GRM5: variants seen among roughly 807,000 people sequenced by gnomAD.
The protein encoded by GRM5 is glutamate metabotropic receptor 5.
Under a neutral mutation model 83.1 loss-of-function variants are expected in GRM5, and 19 were observed. The ratio of observed to expected loss-of-function variants is 0.23; its 90% CI spans 0.16 to 0.34. GRM5 has a LOEUF of 0.34. Among genes scored for constraint, GRM5 ranks in the 10% least tolerant of loss-of-function variants. GRM5 has a pLI of 1.00. For missense variants in GRM5, 1,160 were observed against 1,588.3 expected, an observed-to-expected ratio of 0.73 and a Z score of 4.58; for synonymous variants, 675 against 633.6, an observed-to-expected ratio of 1.07 and a Z score of -0.98.
intron 3 of GRM5, among the ~76,000 whole-genome samples, chr11:88,835,300 T>C (rs1944073878): frequency 1.3e-5 from 2 of 152,184 alleles, no homozygotes; most frequent in African/African-American, 4.8e-5. Flanking sequence ...CACTGTAAGC[T>C]AGATATGTTC....
intron 2 of GRM5, among the ~76,000 whole-genome samples, chr11:89,005,128 A>G (rs955139648): frequency 4.6e-5 from 7 of 152,212 alleles, no homozygotes; most frequent in Admixed American, 4.6e-4. Context: ...GATGAAATCT[A>G]TCTTTGGATT....
intron 3 of GRM5, among the ~76,000 whole-genome samples, chr11:88,671,797 G>A (rs985700061): frequency 2.0e-5 from 3 of 152,042 alleles, no homozygotes; most frequent in Admixed American, 1.3e-4. Context: ...AAGCTGGAAC[G>A]TTGGGACCTT....
In GRM5 at chr11:88,508,967, G is replaced by A. The variant is rs1941268753; in HGVS notation, c.3264C>T (p.Gly1088=). Residue 1088 remains glycine, a synonymous_variant, in exon 10 of 10, where the codon GGC becomes GGT. Coordinates refer to ENST00000305447, the MANE Select transcript of GRM5 (RefSeq NM_001143831.3). The surrounding 1 kb of genome is among the most constrained non-coding windows in gnomAD (Gnocchi z 4.2). ...MMLSTAAPSP[G]VGAPLCSSYL... ...AGGACGAGCAGAGCGGGGCGCCGAC[G>A]CCGGGGCTGGGGGCCGCGGTGGACA... The A allele has an allele frequency of 6.3e-7, 1 of 1,588,484 alleles. No homozygotes were observed.
chr11:88,845,994 C>T (rs1480256038), intron 3 of GRM5, among the ~76,000 whole-genome samples: 2 of 152,142 alleles, frequency 1.3e-5, no homozygotes, highest in Non-Finnish European at 2.9e-5. Context: ...ACAGTAAGTT[C>T]TTATCATTTC....
chr11:88,971,571 T>G (rs1939165271), intron 2 of GRM5, among the ~76,000 whole-genome samples: 1 of 152,174 alleles, frequency 6.6e-6, no homozygotes, highest in South Asian at 2.1e-4. Context: ...CTTAGGATAA[T>G]GGCATCCAGT....
rs146874449 is a variant in GRM5, at chr11:88,951,030, T to C, written c.661+96182A>G. On this transcript the variant is annotated intron_variant, in intron 2 of 9. Transcript: ENST00000305447. ...TTTATTTAGCAGAGAAAAATCAGTC[T>C]AGGAATTTTTACTTGACAATTTCTT... Among the ~76,000 whole-genome samples the C allele has an allele frequency of 4.5e-4, 68 of 152,320 alleles. No individual in the cohort carries two copies. The East Asian group carries it at 0.013, about 28-fold the overall frequency.
chr11:88,832,770 T>G (rs1375290001), intron 3 of GRM5, among the ~76,000 whole-genome samples: 2 of 152,104 alleles, frequency 1.3e-5, no homozygotes, highest in Admixed American at 6.5e-5. Flanking sequence ...AAATGGTACA[T>G]AGACCAACAG....
chr11:88,949,362 T>C (rs1042526100), intron 2 of GRM5, among the ~76,000 whole-genome samples: 1 of 152,230 alleles, frequency 6.6e-6, no homozygotes, highest in African/African-American at 2.4e-5. Flanking sequence ...GTATGTCTCT[T>C]TCATTACTGT....
intron 3 of GRM5, among the ~76,000 whole-genome samples, chr11:88,792,765 G>T (rs1943200688): frequency 6.6e-6 from 1 of 151,898 alleles, no homozygotes; most frequent in African/African-American, 2.4e-5. Flanking sequence ...TTTTTAAATT[G>T]TCTTTTCTTA....
chr11:88,838,416 C>T (rs1944134022), intron 3 of GRM5, among the ~76,000 whole-genome samples: 2 of 152,100 alleles, frequency 1.3e-5, no homozygotes, highest in Non-Finnish European at 1.5e-5. Flanking sequence ...TTCTCTGAAC[C>T]TGAGTTTTTC....
At chr11:88,902,124 A>G (rs1032400071) in intron 2 of GRM5, among the ~76,000 whole-genome samples, 1 of 150,844 alleles carries the variant, frequency 6.6e-6, no homozygotes, top group African/African-American at 2.4e-5. Context: ...CTTAGGCTGC[A>G]GACTGCCTAA....
At chr11:88,926,088 T>C (rs576335167) in intron 2 of GRM5, among the ~76,000 whole-genome samples, 1 of 152,306 alleles carries the variant, frequency 6.6e-6, no homozygotes, top group African/African-American at 2.4e-5. Flanking sequence ...CCAGCTATTA[T>C]ATGCACAACA....
chr11:88,647,275 C>T (rs893961067), intron 4 of GRM5, among the ~76,000 whole-genome samples: 1 of 152,008 alleles, frequency 6.6e-6, no homozygotes, highest in African/African-American at 2.4e-5. Flanking sequence ...CTTTGAGGTT[C>T]TGGCAACAGA....
At chr11:88,791,562 T>C (rs1378333714) in intron 3 of GRM5, among the ~76,000 whole-genome samples, 1 of 152,172 alleles carries the variant, frequency 6.6e-6, no homozygotes, top group African/African-American at 2.4e-5. Flanking sequence ...GGAAATTTCA[T>C]TGATAACTTG....
intron 2 of GRM5, among the ~76,000 whole-genome samples, chr11:89,023,748 G>T (rs1296387737): frequency 6.6e-6 from 1 of 151,906 alleles, no homozygotes; most frequent in African/African-American, 2.4e-5. Flanking sequence ...TACTTGGGAG[G>T]CTGAGGCAGG....
intron 2 of GRM5, among the ~76,000 whole-genome samples, chr11:88,967,201 G>A (rs1421741153): frequency 7.4e-6 from 1 of 135,756 alleles, no homozygotes; most frequent in African/African-American, 2.7e-5. Flanking sequence ...ATATATGTGT[G>A]TGTGTGTGTG....
At chr11:88,629,888 G>T (rs1938914788) in intron 4 of GRM5, among the ~76,000 whole-genome samples, 1 of 152,198 alleles carries the variant, frequency 6.6e-6, no homozygotes, top group African/African-American at 2.4e-5. Context: ...GCCAAAGTCA[G>T]CACAGTGGCC....
At chr11:88,859,646 A>G (rs1944529825) in intron 2 of GRM5, among the ~76,000 whole-genome samples, 1 of 152,126 alleles carries the variant, frequency 6.6e-6, no homozygotes, top group Non-Finnish European at 1.5e-5. Context: ...TCAAATTTCA[A>G]AGCCCATGCT....
At chr11:89,051,755 G>A (rs1194167254) in intron 1 of GRM5, among the ~76,000 whole-genome samples, 5 of 152,166 alleles carry the variant, frequency 3.3e-5, no homozygotes, top group South Asian at 4.1e-4. Flanking sequence ...GAAAGCCATT[G>A]AGGAGATTTA....
Sources: gnomAD v4.1 joint callset for allele counts (sites outside exome capture counted in the v4.1 genomes callset) on GRCh38, gnomAD v4.1.1 for gene constraint, Gnocchi (gnomAD v3.1) non-coding constraint, MANE v1.5 for transcripts, NCBI Gene and HGNC (gene_info 2026-07-23, HGNC 2026-07-21) for gene names.